The following NFIB variants were observed in gnomAD, a reference collection of about 807,000 sequenced individuals.
NFIB encodes the protein nuclear factor 1 B-type.
Under a neutral mutation model 61.5 loss-of-function variants are expected in NFIB, and 11 were observed. The observed-to-expected ratio is 0.18, with a 90% CI of 0.11 to 0.30. NFIB has a LOEUF of 0.30. NFIB is among the 10% of genes least tolerant of loss of function. NFIB has a pLI of 1.00. For missense variants in NFIB, 471 were observed against 608.9 expected, an observed-to-expected ratio of 0.77 and a Z score of 2.38; for synonymous variants, 260 against 216.5, an observed-to-expected ratio of 1.20 and a Z score of -1.76.
the NFIB span, among the ~76,000 whole-genome samples, chr9:14,443,006 G>A: frequency 6.6e-6 from 1 of 151,714 alleles, no homozygotes; most frequent in Non-Finnish European, 1.5e-5. Flanking sequence ...ATCTTTCACA[G>A]ATCTTTAAAT....
At chr9:14,202,597 A>T (rs1472026449) in intron 2 of NFIB, among the ~76,000 whole-genome samples, 3 of 152,188 alleles carry the variant, frequency 2.0e-5, no homozygotes, top group East Asian at 3.9e-4. Context: ...AAGCTAATTT[A>T]AAAAAATCAT....
chr9:14,376,963 TGAGA>T, intron 1 of NFIB, among the ~76,000 whole-genome samples: 1 of 152,352 alleles, frequency 6.6e-6, no homozygotes, highest in Non-Finnish European at 1.5e-5. Flanking sequence ...TCTTCTCATT[TGAGA>T]AATAAAATAT....
At chr9:14,373,441 T>C (rs2061381257) in intron 1 of NFIB, among the ~76,000 whole-genome samples, 1 of 152,242 alleles carries the variant, frequency 6.6e-6, no homozygotes, top group Admixed American at 6.5e-5. Context: ...ATTTACATCA[T>C]GTTACAGAGG....
intron 2 of NFIB, among the ~76,000 whole-genome samples, chr9:14,212,431 A>G (rs545323196): frequency 1.5e-3 from 222 of 152,334 alleles, no homozygotes; most frequent in Non-Finnish European, 2.5e-3. Flanking sequence ...AGTACAGTAC[A>G]CCATGTCACA....
chr9:14,481,958 G>A, the NFIB span, among the ~76,000 whole-genome samples: 1 of 151,842 alleles, frequency 6.6e-6, no homozygotes, highest in Non-Finnish European at 1.5e-5. Context: ...CCCAGTTATT[G>A]GCCGGACTAA....
intron 2 of NFIB, among the ~76,000 whole-genome samples, chr9:14,197,455 C>T (rs989338750): frequency 1.3e-5 from 2 of 152,208 alleles, no homozygotes; most frequent in Non-Finnish European, 2.9e-5. Flanking sequence ...GCAAATGGAT[C>T]TTCTTGATGG....
At chr9:14,464,008 T>C in the NFIB span, among the ~76,000 whole-genome samples, 1 of 152,204 alleles carries the variant, frequency 6.6e-6, no homozygotes, top group Non-Finnish European at 1.5e-5. Flanking sequence ...CTGAGGCTGC[T>C]TGTAACATGT....
chr9:14,172,486 T>C (rs1056788786), intron 3 of NFIB, among the ~76,000 whole-genome samples: 1 of 152,194 alleles, frequency 6.6e-6, no homozygotes, highest in Admixed American at 6.5e-5. Context: ...TTCTACAAGA[T>C]AAATTCTTGG....
intron 10 of NFIB, among the ~76,000 whole-genome samples, chr9:14,095,212 T>A (rs1432442012): frequency 1.3e-5 from 2 of 152,108 alleles, no homozygotes; most frequent in African/African-American, 4.8e-5. Context: ...TTGGCCAAAT[T>A]AAGGACTTAT....
the NFIB span, among the ~76,000 whole-genome samples, chr9:14,413,534 G>C: frequency 2.0e-5 from 3 of 152,074 alleles, no homozygotes; most frequent in East Asian, 5.8e-4. Flanking sequence ...TTTTTTATCT[G>C]TAAAGTGAAG....
chr9:14,093,475 A>G (rs548579989), intron 10 of NFIB: 4 of 152,146 alleles, frequency 2.6e-5, no homozygotes, highest in Non-Finnish European at 5.9e-5. Flanking sequence ...CTGTAACAGT[A>G]GCCACATTAT....
the NFIB span, among the ~76,000 whole-genome samples, chr9:14,499,503 T>C: frequency 6.6e-6 from 1 of 152,216 alleles, no homozygotes; most frequent in Non-Finnish European, 1.5e-5. Context: ...CAACTCTCAA[T>C]GAATACTGAC....
intron 2 of NFIB, among the ~76,000 whole-genome samples, chr9:14,266,428 G>C (rs146312671): frequency 0.011 from 1,609 of 149,964 alleles, 35 homozygotes; most frequent in African/African-American, 0.037. Flanking sequence ...CCCATTTCTA[G>C]AAAAAAAAAA....
the NFIB span, among the ~76,000 whole-genome samples, chr9:14,488,906 G>C: frequency 0.016 from 2,446 of 152,284 alleles, 64 homozygotes; most frequent in African/African-American, 0.056. Flanking sequence ...TCTGTCTCCA[G>C]TGGAAAGTTT....
chr9:14,110,917 T>C (rs2037256046), intron 10 of NFIB, among the ~76,000 whole-genome samples: 1 of 152,108 alleles, frequency 6.6e-6, no homozygotes, highest in African/African-American at 2.4e-5. Context: ...ACTAACTCTT[T>C]CATTACATAG....
At chr9:14,444,516 A>C in the NFIB span, among the ~76,000 whole-genome samples, 6 of 152,330 alleles carry the variant, frequency 3.9e-5, no homozygotes, top group East Asian at 9.6e-4. Context: ...CTTCTAAATA[A>C]GAGTGAATTA....
chr9:14,215,243 T>A, intron 2 of NFIB, among the ~76,000 whole-genome samples: 1 of 147,112 alleles, frequency 6.8e-6, no homozygotes. Flanking sequence ...GTCCAGCATA[T>A]TGGAACCGAA....
At chr9:14,150,121 T>C in intron 5 of NFIB, 24 bp downstream of exon 5, 2 of 1,612,810 alleles carry the variant, frequency 1.2e-6, no homozygotes, top group South Asian at 2.2e-5. Context: ...CACTTGAGAA[T>C]ATGAGCAGCC....
At chr9:14,398,726 C>CAA (rs2061713098) in exon 1 of NFIB, 1 of 793,012 alleles carries the variant, frequency 1.3e-6, no homozygotes, top group Non-Finnish European at 1.9e-6. Context: ...AGTACCTTAG[C>CAA]AAACGCAGCT....
Sources: gnomAD v4.1 joint callset for allele counts (sites outside exome capture counted in the v4.1 genomes callset) on GRCh38, gnomAD v4.1.1 for gene constraint, MANE v1.5 for transcripts, NCBI Gene and HGNC (gene_info 2026-07-23, HGNC 2026-07-21) for gene names.